C10orf67: variants seen among roughly 807,000 people sequenced by gnomAD.
The protein encoded by C10orf67 is chromosome 10 open reading frame 67, also known as uncharacterized protein C10orf67, mitochondrial.
C10orf67 carries 60 observed loss-of-function variants against 35.6 expected under a neutral mutation model. The ratio of observed to expected loss-of-function variants is 1.68; its 90% CI spans 1.37 to 2.09. The LOEUF is 2.09. Among genes scored for constraint, C10orf67 ranks in the 30% most tolerant of loss-of-function variants. The pLI is 0.00. For missense variants in C10orf67, 474 were observed against 330.2 expected (o/e 1.44, Z -3.38); for synonymous variants, 167 against 115.8 (o/e 1.44, Z -2.84).
At position 23,303,450 on chromosome 10, in the gene C10orf67, C is replaced by T. The variant is rs968198360; in HGVS notation, c.556G>A (p.Glu186Lys). 8.9e-6 allele frequency: 5 copies of T among 561,686 alleles called. No individual in the cohort carries two copies. The East Asian group carries it at 1.6e-4, about 18-fold the overall frequency. 34.8% of individuals were successfully genotyped at this position (561,686 alleles called of 1,614,324 possible). The change falls in exon 5 of 16, where the codon GAG (glutamate) becomes AAG (lysine). Residue 186 changes from glutamate (E) to lysine (K), a missense_variant. Coordinates refer to ENST00000636213, the MANE Select transcript of C10orf67 (RefSeq NM_001371909.1). Reference sequence around the variant, plus strand: ...AAAGAAACATTCTCTTCTTCTACCTCAAAGAATTGCTAGGGACAAAAAAAA... The same window carrying T: ...AAAGAAACATTCTCTTCTTCTACCTTAAAGAATTGCTAGGGACAAAAAAAA... ...VIKGMYQQFF[E>K]VEEENVSLQD...
intron 13 of C10orf67, among the ~76,000 whole-genome samples, chr10:23,225,596 C>G (rs1841713228): frequency 6.6e-6 from 1 of 152,126 alleles, no homozygotes; most frequent in Non-Finnish European, 1.5e-5. Flanking sequence ...AGAGTCAAGA[C>G]CCATCAGTGT....
chr10:23,335,581 A>T (rs969149111), intron 1 of C10orf67, among the ~76,000 whole-genome samples: 4 of 152,180 alleles, frequency 2.6e-5, no homozygotes, highest in Admixed American at 6.5e-5. Flanking sequence ...ATGTTTTGAA[A>T]TGTCATAGTT....
intron 10 of C10orf67, among the ~76,000 whole-genome samples, chr10:23,255,195 A>G (rs1347695335): frequency 6.6e-6 from 1 of 152,236 alleles, no homozygotes; most frequent in Non-Finnish European, 1.5e-5. Context: ...AACACGGAGA[A>G]TAAAATATGA....
intron 2 of C10orf67, among the ~76,000 whole-genome samples, chr10:23,324,492 AC>A (rs921295526): frequency 7.2e-5 from 11 of 151,964 alleles, no homozygotes; most frequent in Non-Finnish European, 1.5e-4. Context: ...CACATCCTTT[AC>A]CCCAATAACT....
At chr10:23,223,467 A>G (rs1414296621) in intron 15 of C10orf67, 131 bp downstream of exon 15, 6 of 655,140 alleles carry the variant, frequency 9.2e-6, no homozygotes, top group Non-Finnish European at 1.7e-5. Context: ...ATAATTTTAT[A>G]AAGTGGCTGA....
intron 13 of C10orf67, among the ~76,000 whole-genome samples, chr10:23,232,088 T>C (rs1441453645): frequency 1.3e-5 from 2 of 152,178 alleles, no homozygotes; most frequent in Non-Finnish European, 1.5e-5. Flanking sequence ...TTCTGGGGCA[T>C]GGTAATAATC....
chr10:23,267,157 AAAAGAG>A lies in C10orf67; in HGVS notation c.1035+32_1035+37del, dbSNP rs777515812. 52 of 697,038 alleles carry A rather than the reference AAAAGAG, an allele frequency of 7.5e-5. 1 individual carries two copies. Among genetic ancestry groups the A allele is most frequent in the Non-Finnish European group, 4.2e-5 (16 of 380,068 alleles). 43.2% of individuals were successfully genotyped at this position (697,038 alleles called of 1,614,324 possible). ...TACCAAAATCAGAGAAGCACAAAAT[AAAAGAG>A]AAAGAGAGAGAGAAAAAACTTAAAT... On this transcript the variant is annotated intron_variant, in intron 9 of 15. Transcript: ENST00000636213.
chr10:23,309,215 A>G (rs1174477455), intron 4 of C10orf67, among the ~76,000 whole-genome samples: 1 of 152,210 alleles, frequency 6.6e-6, no homozygotes, highest in African/African-American at 2.4e-5. Flanking sequence ...AGCCATTAAA[A>G]AGAATGAAAT....
chr10:23,316,435 G>T (rs1342751582), intron 4 of C10orf67, among the ~76,000 whole-genome samples: 1 of 152,250 alleles, frequency 6.6e-6, no homozygotes, highest in Non-Finnish European at 1.5e-5. Flanking sequence ...AAGGGCTGCA[G>T]CTCTTCTCTC....
At chr10:23,243,845 G>A (rs1409854668) in intron 12 of C10orf67, among the ~76,000 whole-genome samples, 1 of 152,048 alleles carries the variant, frequency 6.6e-6, no homozygotes, top group East Asian at 1.9e-4. Context: ...AATTAAACTA[G>A]AACTATAACT....
At chr10:23,333,275 A>G (rs1462015638) in intron 1 of C10orf67, 93 bp from the exon 2 acceptor site, 1 of 1,162,890 alleles carries the variant, frequency 8.6e-7, no homozygotes, top group African/African-American at 1.6e-5. Context: ...ATCATATCGT[A>G]TTTTAAGTAT....
intron 4 of C10orf67, among the ~76,000 whole-genome samples, chr10:23,314,935 A>G (rs1844644047): frequency 6.6e-6 from 1 of 152,264 alleles, no homozygotes; most frequent in African/African-American, 2.4e-5. Flanking sequence ...GCTGAAAAAA[A>G]AAGTACAGGT....
chr10:23,305,272 G>A (rs561361759), intron 4 of C10orf67, among the ~76,000 whole-genome samples: 4 of 152,260 alleles, frequency 2.6e-5, no homozygotes, highest in Admixed American at 6.5e-5. Context: ...TCAATGAGAC[G>A]CAAGAGAACA....
intron 1 of C10orf67, among the ~76,000 whole-genome samples, chr10:23,342,299 C>T (rs1181738038): frequency 6.6e-6 from 1 of 152,028 alleles, no homozygotes; most frequent in Non-Finnish European, 1.5e-5. Context: ...TCTTCCTTAT[C>T]ACTAACCACT....
intron 7 of C10orf67, among the ~76,000 whole-genome samples, chr10:23,288,461 G>A (rs1843611755): frequency 6.6e-6 from 1 of 152,152 alleles, no homozygotes; most frequent in Non-Finnish European, 1.5e-5. Flanking sequence ...ACACACCAGG[G>A]CCTGTTGGGG....
chr10:23,268,363 T>C (rs543099373), intron 8 of C10orf67, among the ~76,000 whole-genome samples: 1 of 152,364 alleles, frequency 6.6e-6, no homozygotes, highest in South Asian at 2.1e-4. Context: ...TATTAGTGCA[T>C]GTTTCCATAA....
chr10:23,248,729 C>T (rs1435409782), intron 12 of C10orf67, among the ~76,000 whole-genome samples: 1 of 152,044 alleles, frequency 6.6e-6, no homozygotes, highest in Non-Finnish European at 1.5e-5. Context: ...CTGTATATGC[C>T]ACATTGAATT....
Position 23,227,490 on chromosome 10 carries a change from A to G in C10orf67, c.1435-3672T>C, listed in dbSNP as rs376061205. On this transcript the variant is annotated intron_variant, in intron 13 of 15. Coordinates refer to ENST00000636213, the MANE Select transcript of C10orf67 (RefSeq NM_001371909.1). ...ACCCACAGCCAATATCACACTGAAT[A>G]GGCAAAAACTGGAAGCAGTCCCTTT... 1.4e-4 allele frequency among the ~76,000 whole-genome samples: 22 copies of G among 152,286 alleles called. No individual in the cohort carries two copies. In the East Asian group the frequency reaches 2.7e-3, roughly 19 times the overall value.
At chr10:23,209,606 T>C (rs919298446) in intron 15 of C10orf67, among the ~76,000 whole-genome samples, 3 of 152,156 alleles carry the variant, frequency 2.0e-5, no homozygotes, top group African/African-American at 7.2e-5. Context: ...AAGAAAATGG[T>C]GAAATGATAA....
Sources: gnomAD v4.1 joint callset for allele counts (sites outside exome capture counted in the v4.1 genomes callset) on GRCh38, gnomAD v4.1.1 for gene constraint, MANE v1.5 for transcripts, NCBI Gene and HGNC (gene_info 2026-07-23, HGNC 2026-07-21) for gene names.